The following GSTM4 variants were observed in gnomAD, a reference collection of about 807,000 sequenced individuals.
The protein encoded by GSTM4 is glutathione S-transferase mu 4.
A neutral mutation model predicts 30.1 loss-of-function variants in GSTM4; 27 were observed. That is an observed-to-expected ratio of 0.90 (90% confidence interval 0.66 to 1.24). The LOEUF is 1.24. GSTM4 is among the 50% of genes most tolerant of loss of function. GSTM4 has a pLI of 0.00. For synonymous variants in GSTM4, 94 were observed against 96.2 expected (o/e 0.98, Z 0.13); for missense variants, 238 against 272.1 (o/e 0.87, Z 0.88).
rs778181467 is a variant in GSTM4 at position 109,658,873 on chromosome 1, G to T, written c.420G>T (p.Gln140His). The T allele has an allele frequency of 1.2e-6, 2 of 1,614,150 alleles. No homozygotes were observed. The highest frequency in any genetic ancestry group is 3.3e-5 in the Admixed American group (2 of 60,034). Reference protein sequence around the residue: ...ELPTMMQHFSQFLGKRPWFVG... With the variant: ...ELPTMMQHFSHFLGKRPWFVG... ...CTACAATGATGCAGCACTTCTCACAGTTCCTGGGGAAGAGGCCATGGTTTG... is the reference window on the plus strand; with the variant it reads ...CTACAATGATGCAGCACTTCTCACATTTCCTGGGGAAGAGGCCATGGTTTG... Residue 140 changes from glutamine (Q) to histidine (H), a missense_variant, in exon 6 of 8, where the codon CAG (glutamine) becomes CAT (histidine). Transcript: ENST00000369836.
intron 2 of GSTM4, 182 bp from the exon 3 acceptor site, chr1:109,657,033 C>T (rs978145943): frequency 2.9e-5 from 23 of 796,888 alleles, no homozygotes; most frequent in South Asian, 5.9e-5. Flanking sequence ...AAGCCTTAGC[C>T]GTGTGGGGTC....
chr1:109,660,948 G>A lies in GSTM4; in HGVS notation c.568-217G>A. On this transcript the variant is annotated intron_variant, in intron 7 of 7. Transcript: ENST00000369836. The stretch of plus-strand genomic sequence containing the variant: ...CCAGCACCGGGTAGAATCTTCATAA[G>A]TGTTAGCTGTTACTGTGGTACAACA... 9 of 592,144 alleles carry A rather than the reference G, an allele frequency of 1.5e-5. No homozygotes were observed. The South Asian group carries it at 1.8e-4, about 12-fold the overall frequency. 36.7% of individuals were successfully genotyped at this position (592,144 alleles called of 1,614,324 possible). A position where few individuals can be genotyped will look rare whatever the true frequency, so the allele number is the denominator to read the frequency against.
intron 1 of GSTM4, 80 bp downstream of exon 1, chr1:109,656,505 G>T: frequency 2.0e-6 from 3 of 1,493,080 alleles, no homozygotes; most frequent in East Asian, 2.4e-5. Flanking sequence ...CTCTAGGGAC[G>T]GTTCCCTCCT....
chr1:109,656,593 T>TGTGTGTGTGTGA, intron 1 of GSTM4, 119 bp from the exon 2 acceptor site: 2 of 556,742 alleles, frequency 3.6e-6, no homozygotes, highest in Non-Finnish European at 3.2e-6. Flanking sequence ...TGTGTGTGCG[T>TGTGTGTGTGTGA]GCGCCGGGGT....
chr1:109,661,118 C>T, intron 7 of GSTM4, 47 bp from the exon 8 acceptor site: 1 of 1,606,682 alleles, frequency 6.2e-7, no homozygotes, highest in Non-Finnish European at 8.5e-7. Flanking sequence ...TCCCAGCCCT[C>T]ATGGGCAGCT....
At chr1:109,658,222 T>A (rs1652126169) in intron 5 of GSTM4, 1 of 316,664 alleles carries the variant, frequency 3.2e-6, no homozygotes, top group Admixed American at 4.5e-5. Flanking sequence ...GGTAAAGAAG[T>A]ATGTAGTGGG....
intron 5 of GSTM4, 166 bp downstream of exon 5, chr1:109,658,038 A>T: frequency 1.6e-6 from 1 of 625,336 alleles, no homozygotes; most frequent in Non-Finnish European, 2.8e-6. Context: ...ACTTGAAATC[A>T]GTCCCCACCA....
intron 6 of GSTM4, 42 bp from the exon 7 acceptor site, chr1:109,658,958 C>T (rs650985): frequency 0.95 from 1,526,333 of 1,612,966 alleles, 722,469 homozygotes; most frequent in East Asian, 1. Flanking sequence ...ATACATCCTA[C>T]GTTACAGAGA....
chr1:109,656,273 C>T lies in GSTM4; in HGVS notation c.-117C>T, dbSNP rs1046122824. 3.4e-5 allele frequency: 34 copies of T among 992,382 alleles called. No homozygotes were observed. The highest frequency in any genetic ancestry group is 2.6e-4 in the Admixed American group (14 of 53,358). 61.5% of individuals were successfully genotyped at this position (992,382 alleles called of 1,614,324 possible). On this transcript the variant is annotated 5_prime_UTR_variant, in exon 1 of 8. Coordinates refer to ENST00000369836, the MANE Select transcript of GSTM4 (RefSeq NM_000850.5). ...CGACCTTGAAGATCGGCGGGCGCAGCGGGGCCGAGGGGGCGGGTCTGGCGC... is the reference window on the plus strand; with the variant it reads ...CGACCTTGAAGATCGGCGGGCGCAGTGGGGCCGAGGGGGCGGGTCTGGCGC...
At position 109,657,597 on chromosome 1, in the gene GSTM4, A is replaced by G. The variant is rs1317125906; in HGVS notation, c.185A>G (p.Tyr62Cys). 3 of 1,614,138 alleles carry G rather than the reference A, an allele frequency of 1.9e-6. No individual in the cohort carries two copies. The highest frequency in any genetic ancestry group is 2.5e-6 in the Non-Finnish European group (3 of 1,179,998). Residue 62 changes from tyrosine (Y) to cysteine (C), a missense_variant, in exon 4 of 8, where the codon TAC (tyrosine) becomes TGC (cysteine). By Grantham distance (194) the Tyr-to-Cys change is radical. Coordinates refer to ENST00000369836, the MANE Select transcript of GSTM4 (RefSeq NM_000850.5). ...GGTTTCCCATCTATCCAGCTGCCCT[A>G]CTTGATTGATGGGGCTCACAAGATC... ...KLGLDFPNLP[Y>C]LIDGAHKITQ...
At chr1:109,660,782 C>A in intron 7 of GSTM4, 1 of 255,184 alleles carries the variant, frequency 3.9e-6, no homozygotes. Context: ...AGCTCTGTCC[C>A]CCTTAGTAGC....
chr1:109,667,003 T>C (rs760607664), downstream of GSTM4, among the ~76,000 whole-genome samples: 38 of 152,160 alleles, frequency 2.5e-4, no homozygotes, highest in Non-Finnish European at 5.3e-4. Flanking sequence ...TCATTTGTTG[T>C]GGGGCACTGT....
intron 1 of GSTM4, 104 bp from the exon 2 acceptor site, chr1:109,656,608 G>C: frequency 1.3e-6 from 1 of 748,656 alleles, no homozygotes; most frequent in Non-Finnish European, 2.3e-6. Flanking sequence ...CGGGGTGGGG[G>C]GGGGGTGCAG....
chr1:109,659,170 G>A (rs1047238291), intron 7 of GSTM4, 60 bp downstream of exon 7: 3 of 1,614,082 alleles, frequency 1.9e-6, no homozygotes, highest in Non-Finnish European at 2.5e-6. Context: ...CCTTTCAGAT[G>A]CTTTCCCAGT....
At chr1:109,658,145 C>T (rs189630037) in intron 5 of GSTM4, 13 of 465,098 alleles carry the variant, frequency 2.8e-5, no homozygotes, top group African/African-American at 1.8e-4. Flanking sequence ...ACCTCTGCCA[C>T]GGGCCATCTA....
At chr1:109,664,723 A>G (rs1361084754), downstream of GSTM4, among the ~76,000 whole-genome samples, 1 of 152,050 alleles carries the variant, frequency 6.6e-6, no homozygotes, top group African/African-American at 2.4e-5. Context: ...GCACTACCTT[A>G]GGTACTTGAG....
chr1:109,661,458 A>G lies in GSTM4; in HGVS notation c.*204A>G, dbSNP rs1048326228. Reference sequence around the variant, plus strand: ...ATGCAGGCCCTTTGAAGCCTCAGCTACCCACTTTCCTTCATGAACATCCCC... The same window carrying G: ...ATGCAGGCCCTTTGAAGCCTCAGCTGCCCACTTTCCTTCATGAACATCCCC... On this transcript the variant is annotated 3_prime_UTR_variant, in exon 8 of 8. Coordinates refer to ENST00000369836, the MANE Select transcript of GSTM4 (RefSeq NM_000850.5). The G allele has an allele frequency of 7.0e-7, 1 of 1,425,350 alleles. No individual in the cohort carries two copies. Among genetic ancestry groups the G allele is most frequent in the South Asian group, 1.5e-5 (1 of 67,360 alleles). 88.3% of individuals were successfully genotyped at this position (1,425,350 alleles called of 1,614,324 possible). A position where few individuals can be genotyped will look rare whatever the true frequency, so the allele number is the denominator to read the frequency against.
intron 7 of GSTM4, 162 bp downstream of exon 7, chr1:109,659,272 T>G (rs574268321): frequency 2.5e-4 from 397 of 1,597,226 alleles, no homozygotes; most frequent in Non-Finnish European, 2.1e-4. Flanking sequence ...CGTGTGGAAT[T>G]TGAAATTTCC....
chr1:109,657,746 G>A (rs367767519), intron 4 of GSTM4, 26 bp from the exon 5 acceptor site: 1 of 1,614,090 alleles, frequency 6.2e-7, no homozygotes, highest in South Asian at 1.1e-5. Flanking sequence ...TATGCTCAGA[G>A]TGAGTCTGTG....
Sources: allele counts gnomAD v4.1 joint callset (sites outside exome capture counted in the v4.1 genomes callset), GRCh38; gene constraint gnomAD v4.1.1; transcripts MANE v1.5; gene names NCBI Gene and HGNC (gene_info 2026-07-23, HGNC 2026-07-21).